PER3: variants seen among roughly 807,000 people sequenced by gnomAD.
The protein encoded by PER3 is period circadian protein homolog 3.
In PER3, 107 loss-of-function variants were observed where a neutral mutation model predicts 127.2. That is an observed-to-expected ratio of 0.84 (90% CI 0.72 to 0.99). The LOEUF is 0.99. Among genes scored for constraint, PER3 ranks in the 50% least tolerant of loss-of-function variants. The probability of loss-of-function intolerance (pLI) is 0.00; values close to 1 mark genes in which losing one functional copy is unlikely to be tolerated. For missense variants in PER3, 1,560 were observed against 1,525.8 expected (o/e 1.02, Z -0.37); for synonymous variants, 618 against 585.8 (o/e 1.05, Z -0.79).
rs2097156161 is a variant in PER3, at chr1:7,798,570, G to A, written c.690G>A (p.Arg230=). 1.9e-6 allele frequency: 3 copies of A among 1,613,384 alleles called. No homozygotes were observed. Among genetic ancestry groups the A allele is most frequent in the Non-Finnish European group, 2.5e-6 (3 of 1,179,348 alleles). The change falls in exon 7 of 22, where the codon CGG becomes CGA. Residue 230 remains arginine, a synonymous_variant. Coordinates refer to ENST00000377532, the MANE Select transcript of PER3 (RefSeq NM_001377275.1). ...AAGAGAAGTGTCACTCCCCATTCCG[G>A]ATCATCCCCTATCTGATTCATGTAC... The part of the protein sequence containing the change: ...RKQEKCHSPF[R]IIPYLIHVHH...
At position 7,826,357 on chromosome 1, in the gene PER3, ATTT is replaced by A; in HGVS notation, c.1958-120_1958-118del. On this transcript the variant is annotated intron_variant, in intron 16 of 21. Coordinates refer to ENST00000377532, the MANE Select transcript of PER3 (RefSeq NM_001377275.1). The surrounding 1 kb of genome is among the most constrained non-coding windows in gnomAD (Gnocchi z 4.2). ...GAATTTCTGTGCTAGGCTAATGAAG[ATTT>A]TTCGTATTCCAGCAGTTATAATAAT... is the stretch of plus-strand genomic sequence containing the variant. 1.6e-6 allele frequency: 1 copy of A among 638,388 alleles called. No individual in the cohort carries two copies. The highest frequency in any genetic ancestry group is 2.8e-6 in the Non-Finnish European group (1 of 357,214). 39.5% of individuals were successfully genotyped at this position (638,388 alleles called of 1,614,324 possible).
chr1:7,784,912 G>A lies in PER3; in HGVS notation c.35G>A (p.Arg12Gln). Residue 12 changes from arginine to glutamine, a missense_variant, in exon 2 of 22, where the codon CGG becomes CAG. Coordinates refer to ENST00000377532, the MANE Select transcript of PER3 (RefSeq NM_001377275.1). ...GGGGAAGCTCCTGGCCCCGGGAGAC[G>A]GGGGGCTAAGGACGAGGCCCTGGGC... ...PRGEAPGPGRRGAKDEALGEE... is the reference protein window; with the variant it reads ...PRGEAPGPGRQGAKDEALGEE... 1.3e-6 allele frequency: 2 copies of A among 1,524,656 alleles called. No homozygotes were observed. Among genetic ancestry groups the A allele is most frequent in the Middle Eastern group, 1.8e-4 (1 of 5,706 alleles). The allele number at this position is 1,524,656 out of a possible 1,614,324, so 94.4% of individuals were successfully genotyped here.
chr1:7,785,377 TC>T, intron 2 of PER3, 63 bp from the exon 3 acceptor site: 1 of 1,329,622 alleles, frequency 7.5e-7, no homozygotes, highest in South Asian at 1.3e-5. Flanking sequence ...CAGTTTGTGT[TC>T]CCTAAGCCGC....
intron 21 of PER3, 70 bp downstream of exon 21, chr1:7,837,219 T>G (rs779688943): frequency 7.0e-6 from 9 of 1,293,938 alleles, no homozygotes; most frequent in Non-Finnish European, 9.7e-6. Flanking sequence ...ATATAGGTCG[T>G]GTTCTTGCAT....
chr1:7,810,096 T>G (rs1215428989), intron 12 of PER3, 75 bp downstream of exon 12: 2 of 1,369,498 alleles, frequency 1.5e-6, no homozygotes, highest in African/African-American at 2.9e-5. Flanking sequence ...TGTGGTGACA[T>G]CTTAGTATAT....
rs149385510 is a variant in PER3, at chr1:7,830,092, A to C, written c.3145A>C (p.Thr1049Pro). Residue 1049 changes from threonine to proline, a missense_variant, in exon 19 of 22, where the codon ACT becomes CCT. Thr to Pro is a conservative substitution (Grantham distance 38). Transcript: ENST00000377532. Reference sequence around the variant, plus strand: ...TCCCAGCAGGACTCCATCCCATCCTACTGCCACTGTTCTGTCCACGGGGTC... The same window carrying C: ...TCCCAGCAGGACTCCATCCCATCCTCCTGCCACTGTTCTGTCCACGGGGTC... ...LPPSRTPSHP[T>P]ATVLSTGSPP... The C allele has an allele frequency of 6.2e-7, 1 of 1,613,488 alleles. No homozygotes were observed. The highest frequency in any genetic ancestry group is 1.7e-5 in the Admixed American group (1 of 60,000).
At chr1:7,830,767 G>C (rs1483750533) in intron 19 of PER3, among the ~76,000 whole-genome samples, 1 of 152,136 alleles carries the variant, frequency 6.6e-6, no homozygotes, top group South Asian at 2.1e-4. Context: ...TGCCTTTGTT[G>C]AAAATAACTT....
chr1:7,842,755 A>G lies in PER3; in HGVS notation c.3633A>G (p.Ter1211TrpextTer21). The G allele has an allele frequency of 6.2e-7, 1 of 1,612,226 alleles. No individual in the cohort carries two copies. The highest frequency in any genetic ancestry group is 8.5e-7 in the Non-Finnish European group (1 of 1,178,642). The change falls in exon 22 of 22, where the codon TGA becomes TGG. Residue 1211 changes from the stop codon to tryptophan, a stop_lost. Transcript: ENST00000377532. ...CGQVLVEDSC[*>W] ...AGGTTCTGGTAGAAGACAGCTGTTG[A>G]GTGACTGTGAGGATGAACCTTCATA...
intron 6 of PER3, among the ~76,000 whole-genome samples, chr1:7,796,458 A>G (rs1157985588): frequency 1.3e-5 from 2 of 151,488 alleles, no homozygotes; most frequent in Admixed American, 1.3e-4. Context: ...AGCTGGGACT[A>G]CAGGCATGCA....
intron 16 of PER3, among the ~76,000 whole-genome samples, chr1:7,822,415 C>G (rs2097281374): frequency 6.6e-6 from 1 of 152,006 alleles, no homozygotes; most frequent in Admixed American, 6.5e-5. Flanking sequence ...CCACCATGCC[C>G]AGCTAATTTT....
chr1:7,816,828 C>G (rs1444485226), intron 13 of PER3, among the ~76,000 whole-genome samples: 3 of 152,122 alleles, frequency 2.0e-5, no homozygotes, highest in African/African-American at 7.2e-5. Context: ...GTGATTTACC[C>G]AACTGAAATA....
At chr1:7,802,632 A>T (rs967839194) in intron 8 of PER3, among the ~76,000 whole-genome samples, 16 of 152,170 alleles carry the variant, frequency 1.1e-4, no homozygotes, top group African/African-American at 3.9e-4. Context: ...TATTCATTTA[A>T]CATCATCAGC....
chr1:7,806,812 A>AAAAATATAT (rs61141023), intron 10 of PER3, among the ~76,000 whole-genome samples: 6 of 60,628 alleles, frequency 9.9e-5, no homozygotes, highest in African/African-American at 2.7e-4. Flanking sequence ...AAAAAAAAAA[A>AAAAATATAT]ATATATATAT....
chr1:7,832,237 G>A (rs1268268374), intron 19 of PER3, among the ~76,000 whole-genome samples: 2 of 151,486 alleles, frequency 1.3e-5, no homozygotes, highest in African/African-American at 2.4e-5. Context: ...CTTATTGCTG[G>A]TATTAATATT....
Position 7,827,375 on chromosome 1 carries a change from A to T in PER3, c.2446A>T (p.Thr816Ser), listed in dbSNP as rs1342111760. The change falls in exon 18 of 22, where the codon ACC becomes TCC. Residue 816 changes from threonine (T) to serine (S), a missense_variant. Physicochemically the swap from Thr to Ser is moderately conservative, Grantham distance 58. This residue lies in a region of PER3 where 1,332 missense variants were observed against 1,223.6 expected (regional missense o/e 1.09). Coordinates refer to ENST00000377532, the MANE Select transcript of PER3 (RefSeq NM_001377275.1). ...CCCAGCTTTTCCCCTCCCAGCCGCGACCTCACCCGGAAGAGAATACGCAGC... is the reference window on the plus strand; with the variant it reads ...CCCAGCTTTTCCCCTCCCAGCCGCGTCCTCACCCGGAAGAGAATACGCAGC... ...LVPAFPLPAA[T>S]SPGREYAAPG... 1 of 1,613,820 alleles carries T rather than the reference A, an allele frequency of 6.2e-7. No homozygotes were observed. Among genetic ancestry groups the T allele is most frequent in the Non-Finnish European group, 8.5e-7 (1 of 1,179,966 alleles).
intron 6 of PER3, among the ~76,000 whole-genome samples, chr1:7,795,753 A>G (rs1255638964): frequency 6.6e-6 from 1 of 152,248 alleles, no homozygotes; most frequent in Non-Finnish European, 1.5e-5. Flanking sequence ...GCTTATTTTC[A>G]AAACGTTTTA....
chr1:7,819,200 C>T, intron 13 of PER3, 85 bp from the exon 14 acceptor site: 1 of 1,185,324 alleles, frequency 8.4e-7, no homozygotes, highest in Non-Finnish European at 1.2e-6. Context: ...TGATAAAGTG[C>T]CATGATTTAA....
rs376607172 is a variant in PER3, at chr1:7,793,948, T to G, written c.593-9T>G. The G allele has an allele frequency of 6.2e-6, 10 of 1,612,938 alleles. No individual in the cohort carries two copies. Among genetic ancestry groups the G allele is most frequent in the Middle Eastern group, 1.6e-4 (1 of 6,084 alleles). Reference sequence around the variant, plus strand: ...GAGGGAGTGACTGACCAGGCATCTTTCTTTCTAGCAGCTGCACGGTATGAA... The same window carrying G: ...GAGGGAGTGACTGACCAGGCATCTTGCTTTCTAGCAGCTGCACGGTATGAA... On this transcript the variant is annotated splice_polypyrimidine_tract_variant and intron_variant, in intron 5 of 21. Coordinates refer to ENST00000377532, the MANE Select transcript of PER3 (RefSeq NM_001377275.1).
intron 5 of PER3, 94 bp downstream of exon 5, chr1:7,788,340 C>A: frequency 1.2e-6 from 1 of 858,140 alleles, no homozygotes; most frequent in Non-Finnish European, 1.9e-6. Flanking sequence ...TTATTTAGAA[C>A]ATGCACACTA....
Sources: allele counts gnomAD v4.1 joint callset (sites outside exome capture counted in the v4.1 genomes callset), GRCh38; gene constraint gnomAD v4.1.1; regional missense constraint gnomAD v4.1.1; non-coding constraint Gnocchi (gnomAD v3.1); transcripts MANE v1.5; gene names NCBI Gene and HGNC (gene_info 2026-07-23, HGNC 2026-07-21).